ZNF593OS: variants seen among roughly 807,000 people sequenced by gnomAD.
ZNF593OS encodes the protein ZNF593 opposite strand, also known as transmembrane protein ZNF593OS.
chr1:26,170,707 C>T (rs1278491012), exon 2 of ZNF593OS: 5 of 1,605,494 alleles, frequency 3.1e-6, no homozygotes, highest in African/African-American at 2.7e-5. Flanking sequence ...AGATGGATAC[C>T]TCTACCTGAC....
At chr1:26,170,094 T>C, downstream of ZNF593OS, 1 of 1,571,604 alleles carries the variant, frequency 6.4e-7, no homozygotes, top group Non-Finnish European at 8.6e-7. Context: ...AGCTGCGGCC[T>C]CAGGGATCCG....
downstream of ZNF593OS, chr1:26,169,873 G>A (rs1474501949): frequency 2.5e-6 from 3 of 1,213,214 alleles, no homozygotes; most frequent in Non-Finnish European, 2.2e-6. Context: ...GTCCGGCCGA[G>A]CCTGCCTAGC....
rs2088497050 is a variant in ZNF593OS, at chr1:26,171,480, C to G, written c.45+137G>C. ...AGGGAGATTCCACCCCAATCCCTTT[C>G]GCCTCACTGCCCATCTGGGCCTGCC... On this transcript the variant is annotated intron_variant, in intron 1 of 1. Coordinates refer to ENST00000648649, the Ensembl canonical transcript of ZNF593OS. The surrounding 1 kb of genome is among the most constrained non-coding windows in gnomAD (Gnocchi z 5.5). 2.5e-6 allele frequency: 1 copy of G among 398,466 alleles called. No individual in the cohort carries two copies. Among genetic ancestry groups the G allele is most frequent in the Non-Finnish European group, 4.4e-6 (1 of 226,182 alleles). 24.7% of individuals were successfully genotyped at this position (398,466 alleles called of 1,614,324 possible).
At chr1:26,169,969 G>A (rs769061444), downstream of ZNF593OS, 1 of 1,531,832 alleles carries the variant, frequency 6.5e-7, no homozygotes. Context: ...TTGGCCGGCC[G>A]GGCTGTTTCT....
In ZNF593OS at chr1:26,171,248, C is replaced by T. The variant is rs2088494420; in HGVS notation, c.133G>A (p.Gly45Ser). The change falls in exon 2 of 2, where the codon GGC becomes AGC. Residue 45 changes from glycine to serine, a missense_variant. Transcript: ENST00000648649. This position sits in a 1 kb window ranked among gnomAD's most constrained non-coding sequence, Gnocchi z 5.5. ...ATCTTCCAGACGGCATAGCAGGAGC[C>T]ACCCAGGCCGAGGACAGCTAGCACT... is the stretch of plus-strand genomic sequence containing the variant. The T allele has an allele frequency of 2.5e-6, 1 of 406,624 alleles. No homozygotes were observed. Among genetic ancestry groups the T allele is most frequent in the Non-Finnish European group, 4.3e-6 (1 of 230,374 alleles). The allele number at this position is 406,624 out of a possible 1,614,324, so 25.2% of individuals were successfully genotyped here.
rs1020849505 is a variant in ZNF593OS, at chr1:26,171,200, G to A, written c.181C>T (p.Arg61Trp). ...GTCTCTCTTCTTCGTTACGGGGCCC[G>A]TGGCACCCGCCGCTGCCCCACCATC... The change falls in exon 2 of 2, where the codon CGG (arginine) becomes TGG (tryptophan). Residue 61 changes from arginine to tryptophan, a missense_variant. Transcript: ENST00000648649. The surrounding 1 kb of genome is among the most constrained non-coding windows in gnomAD (Gnocchi z 5.5). 7.4e-6 allele frequency: 3 copies of A among 405,932 alleles called. No homozygotes were observed. The highest frequency in any genetic ancestry group is 4.1e-5 in the African/African-American group (2 of 48,616). The allele number at this position is 405,932 out of a possible 1,614,324, so 25.1% of individuals were successfully genotyped here.
At chr1:26,170,141 CCG>C, downstream of ZNF593OS, 1 of 1,572,174 alleles carries the variant, frequency 6.4e-7, no homozygotes, top group Non-Finnish European at 8.6e-7. Flanking sequence ...GAGTTCGACC[CCG>C]ACCTGCCAGG....
chr1:26,170,236 C>T, downstream of ZNF593OS: 1 of 1,581,706 alleles, frequency 6.3e-7, no homozygotes, highest in East Asian at 2.2e-5. Flanking sequence ...CGGTACCGGC[C>T]GGGAGATGTG....
downstream of ZNF593OS, chr1:26,170,482 T>G (rs749207073): frequency 6.2e-7 from 1 of 1,613,844 alleles, no homozygotes; most frequent in Admixed American, 1.7e-5. Context: ...CAAGAAAAGG[T>G]ATGAAGGAGT....
chr1:26,171,812 C>T lies in ZNF593OS; in HGVS notation c.-151G>A, dbSNP rs1260390435. The T allele has an allele frequency of 1.8e-5, 7 of 395,518 alleles. No homozygotes were observed. The highest frequency in any genetic ancestry group is 4.4e-5 in the Admixed American group (1 of 22,602). 24.5% of individuals were successfully genotyped at this position (395,518 alleles called of 1,614,324 possible). Reference sequence around the variant, plus strand: ...CCCAAGCTCTCAGAGGATGCTCACCCGCGCCTGCCTGCCCAGGTCTGGCAG... The same window carrying T: ...CCCAAGCTCTCAGAGGATGCTCACCTGCGCCTGCCTGCCCAGGTCTGGCAG... On this transcript the variant is annotated 5_prime_UTR_variant, in exon 1 of 2. Coordinates refer to ENST00000648649, the Ensembl canonical transcript of ZNF593OS. This position sits in a 1 kb window ranked among gnomAD's most constrained non-coding sequence, Gnocchi z 5.5.
chr1:26,170,674 G>A (rs952496856), exon 2 of ZNF593OS: 6 of 1,610,712 alleles, frequency 3.7e-6, no homozygotes, highest in East Asian at 2.2e-5. Context: ...CAGTGCCCAC[G>A]GAAGTGTCCA....
At chr1:26,169,851 T>G, downstream of ZNF593OS, 1 of 967,764 alleles carries the variant, frequency 1.0e-6, no homozygotes, top group South Asian at 2.0e-5. Context: ...GAGAGTGACG[T>G]CATCAGAGGC....
At chr1:26,170,121 C>T (rs746047932), downstream of ZNF593OS, 14 of 1,571,552 alleles carry the variant, frequency 8.9e-6, no homozygotes, top group Admixed American at 2.0e-4. Context: ...CCCAGCCCGA[C>T]CCAAACGCCG....
chr1:26,169,885 C>A (rs1009180798), downstream of ZNF593OS: 2 of 1,296,082 alleles, frequency 1.5e-6, no homozygotes, highest in Admixed American at 6.1e-5. Context: ...CTGCCTAGCC[C>A]CCCGGCGTGG....
downstream of ZNF593OS, chr1:26,170,022 C>A: frequency 6.4e-7 from 1 of 1,566,562 alleles, no homozygotes; most frequent in Non-Finnish European, 8.6e-7. Flanking sequence ...ACCGAGCGCA[C>A]TCTCTAGCCC....
At chr1:26,170,558 G>A in exon 2 of ZNF593OS, 1 of 1,614,014 alleles carries the variant, frequency 6.2e-7, no homozygotes, top group East Asian at 2.2e-5. Flanking sequence ...CCCAACTCCT[G>A]TTTTTCTTTC....
At chr1:26,169,842 A>G (rs1383668513), downstream of ZNF593OS, 4 of 899,982 alleles carry the variant, frequency 4.4e-6, no homozygotes, top group Non-Finnish European at 6.3e-6. Flanking sequence ...CCGCTGGCCG[A>G]GAGTGACGTC....
chr1:26,170,858 A>T, exon 2 of ZNF593OS: 1 of 1,071,628 alleles, frequency 9.3e-7, no homozygotes, highest in Non-Finnish European at 1.3e-6. Context: ...CAAATAAAGG[A>T]ACTGGACAAA....
Position 26,170,984 on chromosome 1 carries a change from A to C in ZNF593OS, c.*205T>G, listed in dbSNP as rs2088491353. On this transcript the variant is annotated 3_prime_UTR_variant, in exon 2 of 2. Transcript: ENST00000648649. ...AGGGTGTCTACTCCCCACTTGGTCT[A>C]TCTCTGCCTTCCCTCTGAGGTCCTA... The C allele has an allele frequency of 1.1e-5, 6 of 568,766 alleles. 1 individual carries two copies. The highest frequency in any genetic ancestry group is 1.9e-5 in the Non-Finnish European group (6 of 321,970). The allele number at this position is 568,766 out of a possible 1,614,324, so 35.2% of individuals were successfully genotyped here.
Sources: gnomAD v4.1 joint callset for allele counts on GRCh38, gnomAD v4.1.1 for gene constraint, Gnocchi (gnomAD v3.1) non-coding constraint, MANE v1.5 for transcripts, NCBI Gene and HGNC (gene_info 2026-07-23, HGNC 2026-07-21) for gene names.